GPC5: variants seen among roughly 807,000 people sequenced by gnomAD.
GPC5 encodes the protein glypican-5.
In GPC5, 47 loss-of-function variants were observed where a neutral mutation model predicts 53.9. The observed-to-expected ratio is 0.87, with a 90% CI of 0.69 to 1.11. GPC5 has a LOEUF of 1.11. Ranked by LOEUF, GPC5 falls within the 50% of genes most tolerant of loss-of-function variation. The pLI is 0.00. For missense variants in GPC5, 748 were observed against 713.1 expected, an observed-to-expected ratio of 1.05 and a Z score of -0.56; for synonymous variants, 286 against 263.3, an observed-to-expected ratio of 1.09 and a Z score of -0.84.
intron 7 of GPC5, among the ~76,000 whole-genome samples, chr13:92,175,451 C>T (rs143131715): frequency 1.2e-3 from 189 of 152,140 alleles, no homozygotes; most frequent in African/African-American, 4.4e-3. Flanking sequence ...AGTTGAAGAA[C>T]ATTTGAATAG....
Position 92,349,193 on chromosome 13 carries a change from G to A in GPC5, c.1561+204204G>A, listed in dbSNP as rs189018953. 8.8e-3 allele frequency among the ~76,000 whole-genome samples: 1,345 copies of A among 152,252 alleles called. 15 individuals are homozygous for A. Among genetic ancestry groups the A allele is most frequent in the South Asian group, 0.044 (210 of 4,820 alleles). On this transcript the variant is annotated intron_variant, in intron 7 of 7. Transcript: ENST00000377067. ...AGTTTCACTCTTGTTGCCCAGGCTG[G>A]AGTGCGATGGCACGATCTCGGCTCA...
intron 7 of GPC5, among the ~76,000 whole-genome samples, chr13:92,611,825 A>G (rs1381829432): frequency 6.6e-6 from 1 of 152,120 alleles, no homozygotes; most frequent in Admixed American, 6.6e-5. Context: ...GGTTTTGGTG[A>G]ATATTTTATA....
intron 4 of GPC5, among the ~76,000 whole-genome samples, chr13:91,740,818 C>T (rs187521639): frequency 1.8e-4 from 28 of 152,266 alleles, no homozygotes; most frequent in African/African-American, 5.8e-4. Context: ...AGTTCCTGCT[C>T]TCTGCTTGAT....
At chr13:91,668,175 A>C (rs2035161469) in intron 2 of GPC5, among the ~76,000 whole-genome samples, 1 of 152,152 alleles carries the variant, frequency 6.6e-6, no homozygotes, top group African/African-American at 2.4e-5. Flanking sequence ...CTGAATCCAG[A>C]TTCTGCCACC....
chr13:92,690,569 T>C (rs1256198290), intron 7 of GPC5, among the ~76,000 whole-genome samples: 2 of 142,882 alleles, frequency 1.4e-5, no homozygotes, highest in Non-Finnish European at 3.0e-5. Flanking sequence ...TCTCAGCTCG[T>C]CAAAATAATT....
intron 6 of GPC5, among the ~76,000 whole-genome samples, chr13:92,113,343 T>G (rs1264402711): frequency 6.6e-6 from 1 of 152,136 alleles, no homozygotes; most frequent in Non-Finnish European, 1.5e-5. Context: ...GGAAAATAAG[T>G]GTCTACATAT....
intron 5 of GPC5, among the ~76,000 whole-genome samples, chr13:91,905,175 C>A (rs943871534): frequency 6.6e-6 from 1 of 151,878 alleles, no homozygotes; most frequent in African/African-American, 2.4e-5. Flanking sequence ...ACTATCATTA[C>A]AAATATTCAA....
At chr13:92,348,890 C>T (rs1386534963) in intron 7 of GPC5, among the ~76,000 whole-genome samples, 1 of 151,924 alleles carries the variant, frequency 6.6e-6, no homozygotes, top group East Asian at 1.9e-4. Context: ...AGTGGAAACA[C>T]AACATGCCAA....
intron 4 of GPC5, among the ~76,000 whole-genome samples, chr13:91,743,592 A>G (rs1373161312): frequency 3.9e-5 from 6 of 152,250 alleles, no homozygotes; most frequent in Middle Eastern, 6.8e-3. Flanking sequence ...ACCAAGGAAT[A>G]CTCATATTTG....
chr13:92,405,041 C>T (rs992975198), intron 7 of GPC5, among the ~76,000 whole-genome samples: 1 of 150,188 alleles, frequency 6.7e-6, no homozygotes, highest in African/African-American at 2.5e-5. Context: ...CACTACACTT[C>T]TAAATAAAGA....
At chr13:92,236,114 A>G (rs187819429) in intron 7 of GPC5, among the ~76,000 whole-genome samples, 18 of 152,194 alleles carry the variant, frequency 1.2e-4, no homozygotes, top group Middle Eastern at 3.4e-3. Context: ...CACCAATTTA[A>G]TAGAATCTTC....
intron 7 of GPC5, among the ~76,000 whole-genome samples, chr13:92,299,272 C>T (rs1284974810): frequency 1.3e-5 from 2 of 152,078 alleles, no homozygotes; most frequent in Non-Finnish European, 2.9e-5. Context: ...AGCAAACTTC[C>T]ACATGATAAA....
At chr13:92,775,669 C>T (rs1397938870) in intron 7 of GPC5, among the ~76,000 whole-genome samples, 1 of 151,768 alleles carries the variant, frequency 6.6e-6, no homozygotes, top group East Asian at 1.9e-4. Context: ...AACCTTATGA[C>T]TCCATATCTA....
At chr13:92,307,344 C>T (rs2043117634) in intron 7 of GPC5, among the ~76,000 whole-genome samples, 1 of 152,112 alleles carries the variant, frequency 6.6e-6, no homozygotes, top group Non-Finnish European at 1.5e-5. Context: ...ATCCCAGCTA[C>T]TCGGGAGGCT....
Position 91,742,787 on chromosome 13 carries a change from T to C in GPC5, c.1155-13508T>C, listed in dbSNP as rs180729007. 4.9e-4 allele frequency among the ~76,000 whole-genome samples: 75 copies of C among 152,266 alleles called. 1 individual carries two copies. The highest frequency in any genetic ancestry group is 1.7e-3 in the African/African-American group (71 of 41,572). On this transcript the variant is annotated intron_variant, in intron 4 of 7. Transcript: ENST00000377067. Reference sequence around the variant, plus strand: ...ATTTATTCAAACTCTTCAGGCTCCATTGGTGTTTCATAATGCTTACATCCT... The same window carrying C: ...ATTTATTCAAACTCTTCAGGCTCCACTGGTGTTTCATAATGCTTACATCCT...
At chr13:91,525,125 G>T (rs1288423656) in intron 2 of GPC5, among the ~76,000 whole-genome samples, 1 of 152,048 alleles carries the variant, frequency 6.6e-6, no homozygotes, top group Admixed American at 6.6e-5. Flanking sequence ...TGTGCAGCTT[G>T]TTCCTCTATA....
intron 6 of GPC5, among the ~76,000 whole-genome samples, chr13:92,068,611 TTA>T (rs1453939289): frequency 6.6e-6 from 1 of 151,630 alleles, no homozygotes; most frequent in Admixed American, 6.6e-5. Flanking sequence ...TTGTAAGATT[TTA>T]TGATTATCTT....
At chr13:91,448,969 A>C in intron 2 of GPC5, 47 bp downstream of exon 2, 1 of 1,586,124 alleles carries the variant, frequency 6.3e-7, no homozygotes, top group Non-Finnish European at 8.6e-7. Context: ...CGTGTTATGT[A>C]ATTTGCCTAA....
intron 2 of GPC5, among the ~76,000 whole-genome samples, chr13:91,503,808 A>C (rs184741154): frequency 6.0e-4 from 87 of 145,094 alleles, no homozygotes; most frequent in African/African-American, 2.2e-3. Flanking sequence ...TAATAATAAT[A>C]ATAATAATAA....
Sources: allele counts gnomAD v4.1 joint callset (sites outside exome capture counted in the v4.1 genomes callset), GRCh38; gene constraint gnomAD v4.1.1; transcripts MANE v1.5; gene names NCBI Gene and HGNC (gene_info 2026-07-23, HGNC 2026-07-21).